Variants in FAM13C observed in about 807,000 individuals in gnomAD.
The protein encoded by FAM13C is family with sequence similarity 13 member C.
A neutral mutation model predicts 73.2 loss-of-function variants in FAM13C; 37 were observed. The ratio of observed to expected loss-of-function variants is 0.51; its 90% CI spans 0.39 to 0.67. The LOEUF (loss-of-function observed/expected upper bound fraction) is 0.67, where lower values mean the gene tolerates loss of function less well. FAM13C is among the 30% of genes least tolerant of loss of function. The probability of loss-of-function intolerance (pLI) is 0.00; values close to 1 mark genes in which losing one functional copy is unlikely to be tolerated. For synonymous variants in FAM13C, 246 were observed against 260.9 expected (o/e 0.94, Z 0.55); for missense variants, 589 against 715.6 (o/e 0.82, Z 2.02).
At chr10:59,261,165 C>T (rs950798253) in intron 10 of FAM13C, among the ~76,000 whole-genome samples, 2 of 152,066 alleles carry the variant, frequency 1.3e-5, no homozygotes, top group African/African-American at 4.8e-5. Flanking sequence ...TATATATATG[C>T]AGAAGTTACC....
intron 1 of FAM13C, among the ~76,000 whole-genome samples, chr10:59,356,407 C>T (rs1855717272): frequency 6.6e-6 from 1 of 152,264 alleles, no homozygotes; most frequent in South Asian, 2.1e-4. Flanking sequence ...GAAGGGGTTC[C>T]TTTTCATAAA....
chr10:59,270,272 C>G, intron 6 of FAM13C, 163 bp from the exon 7 acceptor site: 1 of 677,096 alleles, frequency 1.5e-6, no homozygotes, highest in Non-Finnish European at 2.4e-6. Context: ...CATGTTTATT[C>G]TCACAGAACC....
intron 5 of FAM13C, among the ~76,000 whole-genome samples, chr10:59,286,455 C>A (rs1276514696): frequency 6.7e-6 from 1 of 148,632 alleles, no homozygotes; most frequent in African/African-American, 2.5e-5. Context: ...TTTGGGGTTG[C>A]AGTGAGCTGA....
intron 3 of FAM13C, among the ~76,000 whole-genome samples, chr10:59,332,191 A>C (rs1255828021): frequency 6.6e-6 from 1 of 152,106 alleles, no homozygotes; most frequent in Non-Finnish European, 1.5e-5. Flanking sequence ...ATATATAGTA[A>C]GAACCCACAG....
chr10:59,338,355 A>C (rs775913163), intron 3 of FAM13C, among the ~76,000 whole-genome samples: 1 of 152,092 alleles, frequency 6.6e-6, no homozygotes, highest in Non-Finnish European at 1.5e-5. Context: ...CCACAACTAC[A>C]GAAGTCCATG....
intron 10 of FAM13C, among the ~76,000 whole-genome samples, chr10:59,259,316 A>G (rs1339355689): frequency 1.3e-5 from 2 of 152,192 alleles, no homozygotes; most frequent in African/African-American, 2.4e-5. Context: ...GTCATTCTTT[A>G]TCTTGAAATT....
Position 59,286,091 on chromosome 10 carries a change from G to A in FAM13C, c.508-2644C>T, listed in dbSNP as rs183966168. ...TGGAACATTGTTCAGCATTCAAAAGGAAGGAATTCTGACACAGCAACATGC... is the reference window on the plus strand; with the variant it reads ...TGGAACATTGTTCAGCATTCAAAAGAAAGGAATTCTGACACAGCAACATGC... On this transcript the variant is annotated intron_variant, in intron 5 of 13. Coordinates refer to ENST00000618804, the MANE Select transcript of FAM13C (RefSeq NM_198215.4). Among the ~76,000 whole-genome samples, 29 of 152,304 alleles carry A rather than the reference G, an allele frequency of 1.9e-4. No individual in the cohort carries two copies. In the East Asian group the frequency reaches 5.4e-3, roughly 28 times the overall value.
chr10:59,361,062 C>G, intron 1 of FAM13C: 1 of 1,289,258 alleles, frequency 7.8e-7, no homozygotes, highest in Non-Finnish European at 1.0e-6. Flanking sequence ...GCCTCATCTT[C>G]GGCCTGCAGA....
intron 3 of FAM13C, among the ~76,000 whole-genome samples, chr10:59,337,647 ATTTTCT>A (rs1205781995): frequency 9.1e-6 from 1 of 110,492 alleles, no homozygotes; most frequent in Non-Finnish European, 2.0e-5. Context: ...GGAACTTTCC[ATTTTCT>A]TTTTTTTCTT....
At chr10:59,276,617 A>G (rs1329842821) in intron 6 of FAM13C, among the ~76,000 whole-genome samples, 1 of 152,224 alleles carries the variant, frequency 6.6e-6, no homozygotes, top group Admixed American at 6.5e-5. Flanking sequence ...AGCTAGGCAG[A>G]ACCTTTTGCA....
intron 3 of FAM13C, among the ~76,000 whole-genome samples, chr10:59,334,569 T>C (rs1206683124): frequency 2.0e-5 from 3 of 152,144 alleles, no homozygotes; most frequent in Non-Finnish European, 4.4e-5. Flanking sequence ...CATGGAATAC[T>C]GTGCAGCCAT....
In FAM13C at chr10:59,247,360, C is replaced by T; in HGVS notation, c.*254G>A. The T allele has an allele frequency of 2.2e-6, 1 of 452,104 alleles. No individual in the cohort carries two copies. Among genetic ancestry groups the T allele is most frequent in the Non-Finnish European group, 3.9e-6 (1 of 256,590 alleles). 28.0% of individuals were successfully genotyped at this position (452,104 alleles called of 1,614,324 possible). ...ACATTTTTAAAAATACTTGTATTGA[C>T]TATGAGTTTTCTGCTTGGCATGGAG... On this transcript the variant is annotated 3_prime_UTR_variant, in exon 14 of 14. Transcript: ENST00000618804.
intron 9 of FAM13C, 58 bp downstream of exon 9, chr10:59,264,027 T>A (rs1842776841): frequency 6.8e-7 from 1 of 1,461,998 alleles, no homozygotes; most frequent in Non-Finnish European, 9.6e-7. Context: ...CTGGAGCACA[T>A]TATCACTAGT....
intron 5 of FAM13C, among the ~76,000 whole-genome samples, chr10:59,294,253 A>G (rs1042114398): frequency 8.5e-5 from 13 of 152,222 alleles, no homozygotes; most frequent in African/African-American, 3.1e-4. Flanking sequence ...ATGAGAGAGT[A>G]GGAAATTAGT....
intron 4 of FAM13C, among the ~76,000 whole-genome samples, chr10:59,318,959 C>T (rs907986244): frequency 6.6e-6 from 1 of 151,996 alleles, no homozygotes; most frequent in Admixed American, 6.6e-5. Context: ...ATTATTAATA[C>T]TAAAAATCTC....
At chr10:59,311,469 T>C (rs993295559) in intron 4 of FAM13C, among the ~76,000 whole-genome samples, 1 of 152,166 alleles carries the variant, frequency 6.6e-6, no homozygotes, top group African/African-American at 2.4e-5. Flanking sequence ...ACCTCATTCA[T>C]TCCATACACT....
chr10:59,316,072 G>C (rs570535155), intron 4 of FAM13C, among the ~76,000 whole-genome samples: 1 of 152,188 alleles, frequency 6.6e-6, no homozygotes, highest in African/African-American at 2.4e-5. Flanking sequence ...TGGGATTACA[G>C]GTGTGTGCCA....
At chr10:59,351,331 CAA>C (rs10666673) in intron 3 of FAM13C, among the ~76,000 whole-genome samples, 4 of 134,288 alleles carry the variant, frequency 3.0e-5, no homozygotes, top group African/African-American at 5.6e-5. Flanking sequence ...GACCCTGTCT[CAA>C]AAAAAAAAAA....
At chr10:59,284,766 AC>A (rs1003009701) in intron 5 of FAM13C, among the ~76,000 whole-genome samples, 7 of 149,498 alleles carry the variant, frequency 4.7e-5, no homozygotes, top group Non-Finnish European at 1.5e-5. Flanking sequence ...CTTACCCCAC[AC>A]ATACCTCATA....
Sources: gnomAD v4.1 joint callset for allele counts (sites outside exome capture counted in the v4.1 genomes callset) on GRCh38, gnomAD v4.1.1 for gene constraint, MANE v1.5 for transcripts, NCBI Gene and HGNC (gene_info 2026-07-23, HGNC 2026-07-21) for gene names.